The following CRISPLD2 variants were observed in gnomAD, a reference collection of about 807,000 sequenced individuals.
CRISPLD2 encodes cysteine rich secretory protein LCCL domain containing 2.
CRISPLD2 carries 47 observed loss-of-function variants against 71.1 expected under a neutral mutation model. The observed-to-expected ratio is 0.66, with a 90% confidence interval of 0.52 to 0.84. The LOEUF is 0.84. Among genes scored for constraint, CRISPLD2 ranks in the 40% least tolerant of loss-of-function variants. The pLI is 0.00. For missense variants in CRISPLD2, 830 were observed against 651.1 expected, an observed-to-expected ratio of 1.27 and a Z score of -2.99; for synonymous variants, 317 against 250.1, an observed-to-expected ratio of 1.27 and a Z score of -2.52.
In CRISPLD2 at chr16:84,869,694, A is replaced by G. The variant is rs112520454; in HGVS notation, c.914+783A>G. 4.0e-3 allele frequency among the ~76,000 whole-genome samples: 608 copies of G among 152,302 alleles called. 5 individuals carry two copies. Among genetic ancestry groups the G allele is most frequent in the African/African-American group, 0.014 (578 of 41,574 alleles). ...CGCTCAGTGTTAGGGTAGCATTTGC[A>G]TGTCTCTGTGCTGGGCGAATTGGGA... is the stretch of plus-strand genomic sequence containing the variant. On this transcript the variant is annotated intron_variant, in intron 8 of 14. Coordinates refer to ENST00000262424, the MANE Select transcript of CRISPLD2 (RefSeq NM_031476.4).
chr16:84,839,355 C>G, intron 2 of CRISPLD2: 1 of 232,972 alleles, frequency 4.3e-6, no homozygotes, highest in Non-Finnish European at 8.6e-6. Context: ...TTTGCTGATG[C>G]TGATCTCAGC....
At chr16:84,885,991 T>G (rs1156639713) in intron 13 of CRISPLD2, among the ~76,000 whole-genome samples, 4 of 152,020 alleles carry the variant, frequency 2.6e-5, no homozygotes, top group African/African-American at 9.7e-5. Context: ...ACTAACGTTT[T>G]TAAATTTTTT....
At chr16:84,831,852 A>G (rs1234339700) in intron 1 of CRISPLD2, among the ~76,000 whole-genome samples, 1 of 152,054 alleles carries the variant, frequency 6.6e-6, no homozygotes, top group Non-Finnish European at 1.5e-5. Context: ...TTCCTGCCTC[A>G]GCCTCCTGAG....
intron 5 of CRISPLD2, among the ~76,000 whole-genome samples, chr16:84,853,194 G>A (rs567881655): frequency 2.0e-4 from 31 of 152,296 alleles, no homozygotes; most frequent in South Asian, 1.0e-3. Context: ...ATATAGAACC[G>A]TAGACACAAG....
intron 5 of CRISPLD2, among the ~76,000 whole-genome samples, chr16:84,854,156 C>G (rs952379554): frequency 6.6e-6 from 1 of 152,362 alleles, no homozygotes; most frequent in South Asian, 2.1e-4. Flanking sequence ...CTTGCTTGTC[C>G]TGTGACCTGG....
At chr16:84,833,720 G>A (rs1009255797) in intron 1 of CRISPLD2, among the ~76,000 whole-genome samples, 1 of 152,198 alleles carries the variant, frequency 6.6e-6, no homozygotes, top group Non-Finnish European at 1.5e-5. Flanking sequence ...AGCACCGATG[G>A]TGGTGGGGGG....
chr16:84,843,191 A>G (rs1916822001), intron 2 of CRISPLD2, among the ~76,000 whole-genome samples: 1 of 152,154 alleles, frequency 6.6e-6, no homozygotes, highest in Admixed American at 6.5e-5. Flanking sequence ...CATGGATGCT[A>G]CTGAGGCTAC....
In CRISPLD2 at chr16:84,850,681, A is replaced by G. The variant is rs1233931032; in HGVS notation, c.606A>G (p.Pro202=). 5 of 1,611,952 alleles carry G rather than the reference A, an allele frequency of 3.1e-6. No homozygotes were observed. Among genetic ancestry groups the G allele is most frequent in the Middle Eastern group, 3.3e-4 (2 of 6,050 alleles). The change falls in exon 5 of 15, where the codon CCA becomes CCG. Residue 202 remains proline, a splice_region_variant and synonymous_variant. Coordinates refer to ENST00000262424, the MANE Select transcript of CRISPLD2 (RefSeq NM_031476.4). ...TCTACTTTGTCTGCAATTATTCTCC[A>G]AAGTAAGACAAGTTGATGCCGTTGT... ...NAVYFVCNYS[P]KGNWIGEAPY... is the part of the protein sequence containing the mutation.
intron 14 of CRISPLD2, among the ~76,000 whole-genome samples, chr16:84,904,136 G>A (rs891774526): frequency 1.3e-5 from 2 of 152,192 alleles, no homozygotes; most frequent in African/African-American, 4.8e-5. Context: ...GCCCTTGGTA[G>A]GCTCCCAGGC....
Position 84,843,212 on chromosome 16 carries a change from G to C in CRISPLD2, c.241-2574G>C, listed in dbSNP as rs543452846. Among the ~76,000 whole-genome samples, 6 of 152,338 alleles carry C rather than the reference G, an allele frequency of 3.9e-5. No homozygotes were observed. In the East Asian group the frequency reaches 7.7e-4, roughly 20 times the overall value. On this transcript the variant is annotated intron_variant, in intron 2 of 14. Transcript: ENST00000262424. The stretch of plus-strand genomic sequence containing the variant: ...TGCTACTGAGGCTACCTCGGAGCAA[G>C]GAGGCTGAAAGGATGGGGTGGCAGG...
intron 14 of CRISPLD2, among the ~76,000 whole-genome samples, chr16:84,896,307 C>G (rs1011965104): frequency 2.6e-5 from 4 of 152,028 alleles, no homozygotes; most frequent in African/African-American, 9.7e-5. Context: ...CCTCAGCCTC[C>G]CAAAGTGCTG....
rs752833021 is a variant in CRISPLD2 at position 84,845,878 on chromosome 16, G to T, written c.333G>T (p.Gly111=). ...HGPTSLLVSI[G]QNLGAHWGRY... ...CCACCAGTCTGCTGGTGTCCATCGG[G>T]CAGAACCTGGGCGCTCACTGGGGCA... The change falls in exon 3 of 15, where the codon GGG becomes GGT. Residue 111 remains glycine (G), a synonymous_variant. Transcript: ENST00000262424. 1.9e-6 allele frequency: 3 copies of T among 1,613,684 alleles called. No individual in the cohort carries two copies. The highest frequency in any genetic ancestry group is 2.5e-6 in the Non-Finnish European group (3 of 1,179,618).
At chr16:84,821,949 G>C (rs564490260) in intron 1 of CRISPLD2, among the ~76,000 whole-genome samples, 1 of 152,244 alleles carries the variant, frequency 6.6e-6, no homozygotes, top group Non-Finnish European at 1.5e-5. Context: ...CAGCCAGGGC[G>C]GGGTAGAGCT....
chr16:84,894,630 GGAA>G (rs2071690489), intron 14 of CRISPLD2, among the ~76,000 whole-genome samples: 1 of 152,050 alleles, frequency 6.6e-6, no homozygotes, highest in Admixed American at 6.5e-5. Context: ...AGAAGCCAAA[GGAA>G]GAAGTAATGG....
intron 6 of CRISPLD2, among the ~76,000 whole-genome samples, chr16:84,857,923 G>A (rs948829565): frequency 6.6e-6 from 1 of 152,132 alleles, no homozygotes; most frequent in Admixed American, 6.6e-5. Context: ...TGCACGACCC[G>A]CTTTATGGCT....
chr16:84,893,909 A>AG (rs2071683822), intron 14 of CRISPLD2, among the ~76,000 whole-genome samples: 1 of 152,168 alleles, frequency 6.6e-6, no homozygotes, highest in Admixed American at 6.5e-5. Flanking sequence ...GCCCTTGGCG[A>AG]GGGGGCGGTC....
intron 12 of CRISPLD2, among the ~76,000 whole-genome samples, chr16:84,879,996 G>A (rs946845046): frequency 5.9e-5 from 9 of 152,162 alleles, no homozygotes; most frequent in Non-Finnish European, 1.2e-4. Context: ...AGGATCTGTG[G>A]TGACTGACAC....
At chr16:84,848,834 C>G (rs113557704) in intron 3 of CRISPLD2, among the ~76,000 whole-genome samples, 3,187 of 152,092 alleles carry the variant, frequency 0.021, 49 homozygotes, top group Non-Finnish European at 0.032. Context: ...CTCCAACGTA[C>G]CTGAAAATAA....
intron 3 of CRISPLD2, 175 bp downstream of exon 3, chr16:84,846,079 C>A (rs1049993441): frequency 2.0e-6 from 1 of 511,802 alleles, no homozygotes; most frequent in Admixed American, 3.6e-5. Context: ...GAGTGACTGA[C>A]AAAATGTATT....
Sources: gnomAD v4.1 joint callset for allele counts (sites outside exome capture counted in the v4.1 genomes callset) on GRCh38, gnomAD v4.1.1 for gene constraint, MANE v1.5 for transcripts, NCBI Gene and HGNC (gene_info 2026-07-23, HGNC 2026-07-21) for gene names.